Variants in GRSF1 observed in about 807,000 individuals in gnomAD.
GRSF1 encodes G-rich sequence factor 1.
Under a neutral mutation model 51.1 loss-of-function variants are expected in GRSF1, and 50 were observed. The observed-to-expected ratio is 0.98, with a 90% confidence interval of 0.78 to 1.24. The LOEUF is 1.24. GRSF1 is among the 50% of genes most tolerant of loss of function. GRSF1 has a pLI of 0.00. For missense variants in GRSF1, 700 were observed against 639.7 expected (o/e 1.09, Z -1.02); for synonymous variants, 293 against 253.3 (o/e 1.16, Z -1.49).
In GRSF1 at chr4:70,839,884, C is replaced by A; in HGVS notation, c.-57G>T. On this transcript the variant is annotated 5_prime_UTR_variant, in exon 1 of 10. Coordinates refer to ENST00000254799, the MANE Select transcript of GRSF1 (RefSeq NM_002092.4). ...AGCTGCTCCAGCAGCGATGGTGGAA[C>A]GGAAGTGGAATCCAGGGCCGGTTGG... 4 of 1,413,886 alleles carry A rather than the reference C, an allele frequency of 2.8e-6. No homozygotes were observed. Among genetic ancestry groups the A allele is most frequent in the Non-Finnish European group, 3.7e-6 (4 of 1,090,130 alleles). The allele number at this position is 1,413,886 out of a possible 1,614,324, so 87.6% of individuals were successfully genotyped here. A position where few individuals can be genotyped will look rare whatever the true frequency, so the allele number is the denominator to read the frequency against.
At chr4:70,831,210 C>A (rs530913760) in intron 5 of GRSF1, among the ~76,000 whole-genome samples, 83 of 152,210 alleles carry the variant, frequency 5.5e-4, no homozygotes, top group Non-Finnish European at 9.1e-4. Context: ...ACAAAAAAAG[C>A]CGGGCATGGT....
At chr4:70,825,193 C>T in intron 8 of GRSF1, 103 bp downstream of exon 8, 1 of 907,340 alleles carries the variant, frequency 1.1e-6, no homozygotes, top group South Asian at 2.1e-5. Context: ...TAAAAGAATA[C>T]AAATTTCTCA....
At chr4:70,830,630 C>T (rs193227406) in intron 5 of GRSF1, among the ~76,000 whole-genome samples, 3 of 151,866 alleles carry the variant, frequency 2.0e-5, no homozygotes, top group African/African-American at 7.3e-5. Context: ...ACCAGCCTGG[C>T]CAACATGGTA....
intron 1 of GRSF1, chr4:70,839,065 C>T: frequency 8.5e-7 from 1 of 1,179,594 alleles, no homozygotes; most frequent in Non-Finnish European, 1.1e-6. Context: ...AGCGCTCGGG[C>T]TGCACGGAAA....
chr4:70,826,536 GAA>G (rs538242968), intron 6 of GRSF1, among the ~76,000 whole-genome samples: 13 of 135,050 alleles, frequency 9.6e-5, no homozygotes, highest in Admixed American at 7.6e-5. Context: ...TATAGGCACT[GAA>G]AAAAAAAAAA....
At chr4:70,830,957 T>TA (rs1392469750) in intron 5 of GRSF1, among the ~76,000 whole-genome samples, 11 of 152,048 alleles carry the variant, frequency 7.2e-5, no homozygotes, top group South Asian at 6.2e-4. Context: ...AGATGCATAC[T>TA]AAAAAAAACC....
At position 70,815,999 on chromosome 4, in the gene GRSF1, G is replaced by A. The variant is rs980451372; in HGVS notation, c.*4888C>T. Reference sequence around the variant, plus strand: ...CTTACAGAATACATACTGCATAAGTGAGTCCGTTATATGAAGTTCTAGAAT... The same window carrying A: ...CTTACAGAATACATACTGCATAAGTAAGTCCGTTATATGAAGTTCTAGAAT... On this transcript the variant is annotated 3_prime_UTR_variant, in exon 10 of 10. Transcript: ENST00000254799. The A allele has an allele frequency of 6.6e-6, 1 of 152,186 alleles. No individual in the cohort carries two copies. The highest frequency in any genetic ancestry group is 1.5e-5 in the Non-Finnish European group (1 of 68,040). The allele number at this position is 152,186 out of a possible 1,614,324, so 9.4% of individuals were successfully genotyped here.
intron 9 of GRSF1, among the ~76,000 whole-genome samples, chr4:70,821,872 C>T (rs966013488): frequency 2.6e-5 from 4 of 151,950 alleles, no homozygotes; most frequent in East Asian, 1.9e-4. Context: ...GACAGGGTTT[C>T]GCCATTTTGG....
intron 6 of GRSF1, among the ~76,000 whole-genome samples, chr4:70,827,237 G>T (rs1016770282): frequency 1.6e-4 from 24 of 149,952 alleles, no homozygotes; most frequent in African/African-American, 5.6e-4. Flanking sequence ...GCAGTGAGCC[G>T]AGAGTGCGCC....
At position 70,839,863 on chromosome 4, in the gene GRSF1, G is replaced by A. The variant is rs916241007; in HGVS notation, c.-36C>T. The A allele has an allele frequency of 1.2e-5, 17 of 1,442,352 alleles. No homozygotes were observed. In the Admixed American group the frequency reaches 2.2e-4, roughly 19 times the overall value. The allele number at this position is 1,442,352 out of a possible 1,614,324, so 89.3% of individuals were successfully genotyped here. Reference sequence around the variant, plus strand: ...GGCGGCGCAGGGCCTGAAGGCAGCTGCTCCAGCAGCGATGGTGGAACGGAA... The same window carrying A: ...GGCGGCGCAGGGCCTGAAGGCAGCTACTCCAGCAGCGATGGTGGAACGGAA... On this transcript the variant is annotated 5_prime_UTR_variant, in exon 1 of 10. Coordinates refer to ENST00000254799, the MANE Select transcript of GRSF1 (RefSeq NM_002092.4).
Position 70,836,231 on chromosome 4 carries a change from A to G in GRSF1, c.441T>C (p.Asp147=). 1 of 1,610,226 alleles carries G rather than the reference A, an allele frequency of 6.2e-7. No homozygotes were observed. The highest frequency in any genetic ancestry group is 2.2e-5 in the East Asian group (1 of 44,682). ...CTTGAGCTCGAATGAGAAAGACATC[A>G]TCCACTTCCTCTTCTAACTTGGACG... The part of the protein sequence containing the change: ...LAPSKLEEEV[D]DVFLIRAQGL... The change falls in exon 2 of 10, where the codon GAT becomes GAC. Residue 147 remains aspartate, a synonymous_variant. Coordinates refer to ENST00000254799, the MANE Select transcript of GRSF1 (RefSeq NM_002092.4).
chr4:70,828,118 T>C, intron 5 of GRSF1, 82 bp from the exon 6 acceptor site: 2 of 973,462 alleles, frequency 2.1e-6, no homozygotes, highest in Non-Finnish European at 3.1e-6. Context: ...CATGTATACA[T>C]TATATTTCCA....
At position 70,836,191 on chromosome 4, in the gene GRSF1, A is replaced by G. The variant is rs773786172; in HGVS notation, c.481T>C (p.Cys161Arg). 6.3e-7 allele frequency: 1 copy of G among 1,594,820 alleles called. No individual in the cohort carries two copies. Among genetic ancestry groups the G allele is most frequent in the Admixed American group, 1.8e-5 (1 of 55,188 alleles). The change falls in exon 2 of 10, where the codon TGC (cysteine) becomes CGC (arginine). Residue 161 changes from cysteine to arginine, a missense_variant. Physicochemically the swap from Cys to Arg is radical, Grantham distance 180 (BLOSUM62 -3). Coordinates refer to ENST00000254799, the MANE Select transcript of GRSF1 (RefSeq NM_002092.4). The part of the protein sequence containing the change: ...LIRAQGLPWS[C>R]TMEDVLNFFS... ...AAGTTAAGCACATCTTCCATAGTGC[A>G]TGACCAGGGCAGTCCTTGAGCTCGA...
intron 6 of GRSF1, among the ~76,000 whole-genome samples, chr4:70,827,578 G>A (rs1447374307): frequency 6.6e-6 from 1 of 151,864 alleles, no homozygotes; most frequent in Non-Finnish European, 1.5e-5. Context: ...AAGAGTTCCA[G>A]ACCAGCCTGG....
intron 2 of GRSF1, among the ~76,000 whole-genome samples, chr4:70,833,723 T>C (rs1290761705): frequency 3.3e-5 from 5 of 152,190 alleles, no homozygotes; most frequent in Non-Finnish European, 5.9e-5. Flanking sequence ...CTCATTTTGT[T>C]GCACAGGCTG....
At chr4:70,832,514 A>G in intron 3 of GRSF1, 64 bp from the exon 4 acceptor site, 1 of 946,352 alleles carries the variant, frequency 1.1e-6, no homozygotes. Context: ...CCCATTAAAA[A>G]AAATCATTAC....
chr4:70,825,062 G>A (rs1035387883), intron 8 of GRSF1, among the ~76,000 whole-genome samples: 11 of 152,020 alleles, frequency 7.2e-5, no homozygotes, highest in African/African-American at 1.4e-4. Context: ...AGATGGCACC[G>A]CTGCACTCCA....
chr4:70,825,756 A>G (rs925913878), intron 7 of GRSF1: 6 of 294,136 alleles, frequency 2.0e-5, no homozygotes, highest in African/African-American at 1.4e-4. Context: ...ACATGGTGAA[A>G]CCCCATCTCT....
In GRSF1 at chr4:70,839,726, G is replaced by A. The variant is rs1734389326; in HGVS notation, c.102C>T (p.Ser34=). The A allele has an allele frequency of 3.3e-6, 5 of 1,495,930 alleles. No individual in the cohort carries two copies. Among genetic ancestry groups the A allele is most frequent in the Non-Finnish European group, 4.4e-6 (5 of 1,130,812 alleles). The allele number at this position is 1,495,930 out of a possible 1,614,324, so 92.7% of individuals were successfully genotyped here. ...CGCCCGACGGGATAGAGCCAGCGGC[G>A]GAGTAGAAGGGCAGGCAGGCGGCGC... ...RTGAACLPFY[S]AAGSIPSGVS... The change falls in exon 1 of 10, where the codon TCC becomes TCT. Residue 34 remains serine, a synonymous_variant. Coordinates refer to ENST00000254799, the MANE Select transcript of GRSF1 (RefSeq NM_002092.4).
Sources: allele counts gnomAD v4.1 joint callset (sites outside exome capture counted in the v4.1 genomes callset), GRCh38; gene constraint gnomAD v4.1.1; transcripts MANE v1.5; gene names NCBI Gene and HGNC (gene_info 2026-07-23, HGNC 2026-07-21).